The following BCORL1 variants were observed in gnomAD, a reference collection of about 807,000 sequenced individuals.
The protein encoded by BCORL1 is BCL-6 corepressor-like protein 1.
Under a neutral mutation model 87.6 loss-of-function variants are expected in BCORL1, and 7 were observed. That is an observed-to-expected ratio of 0.08 (90% CI 0.05 to 0.15). The LOEUF (loss-of-function observed/expected upper bound fraction) is 0.15. BCORL1 is among the 10% of genes least tolerant of loss of function. The pLI, the probability that BCORL1 is intolerant of heterozygous loss-of-function variation, is 1.00. For synonymous variants in BCORL1, 591 were observed against 634.4 expected, an observed-to-expected ratio of 0.93 and a Z score of 1.03; for missense variants, 1,215 against 1,499.7, an observed-to-expected ratio of 0.81 and a Z score of 3.13.
At chrX:130,052,519 A>G (rs779750578) in intron 13 of BCORL1, among the ~76,000 whole-genome samples, 6 of 112,513 alleles carry the variant, frequency 5.3e-5, no homozygotes, top group East Asian at 5.6e-4. Flanking sequence ...TGCATATTAT[A>G]TTGGGGATCA....
chrX:129,999,535 T>G (rs1438403378), intron 1 of BCORL1, among the ~76,000 whole-genome samples: 1 of 109,798 alleles, frequency 9.1e-6, no homozygotes, highest in Non-Finnish European at 1.9e-5. Context: ...CTTGAACTCC[T>G]GAGCTCAAGT....
In BCORL1 at chrX:130,028,646, C is replaced by T. The variant is rs201424802; in HGVS notation, c.4090C>T (p.Arg1364Cys). ...RRKGRADLKA[R>C]KQKTSSSQSL... is the part of the protein sequence containing the mutation. The stretch of plus-strand genomic sequence containing the variant: ...TTTCTTGCCTTCAGATTTAAAGGCC[C>T]GTAAGCAGAAGACTTCCTCCTCCCA... The change falls in exon 8 of 14, where the codon CGT becomes TGT. Residue 1364 changes from arginine to cysteine, a missense_variant. Arg to Cys is a radical substitution (Grantham distance 180). Transcript: ENST00000540052. The T allele has an allele frequency of 4.1e-6, 5 of 1,208,685 alleles. No individual in the cohort carries two copies. The highest frequency in any genetic ancestry group is 1.7e-5 in the African/African-American group (1 of 57,470).
Position 130,015,602 on chromosome X carries a change from A to G in BCORL1, c.2830A>G (p.Ile944Val), listed in dbSNP as rs748680718. Residue 944 changes from isoleucine (I) to valine (V), a missense_variant, in exon 4 of 14, where the codon ATT becomes GTT. Around this residue, in one of 5 missense-constraint regions of BCORL1, gnomAD observed 861 missense variants for 1,010.0 expected, o/e 0.85. Transcript: ENST00000540052. Reference protein sequence around the residue: ...ALSVQPSGGDIRMNQGPEESE... With the variant: ...ALSVQPSGGDVRMNQGPEESE... ...GTCTGTTCAGCCTAGCGGTGGGGAC[A>G]TTCGAATGAATCAGGGGCCTGAGGA... 6 of 1,212,068 alleles carry G rather than the reference A, an allele frequency of 5.0e-6. No homozygotes were observed. Among genetic ancestry groups the G allele is most frequent in the African/African-American group, 1.7e-5 (1 of 57,882 alleles).
chrX:130,004,269 G>A (rs1233682489), intron 1 of BCORL1, among the ~76,000 whole-genome samples: 1 of 88,046 alleles, frequency 1.1e-5, no homozygotes, highest in African/African-American at 4.8e-5. Flanking sequence ...TTTTGAGACA[G>A]AGTCTTGCTC....
intron 7 of BCORL1, among the ~76,000 whole-genome samples, chrX:130,027,465 C>T (rs1428700340): frequency 1.8e-5 from 2 of 112,406 alleles, no homozygotes; most frequent in African/African-American, 6.5e-5. Context: ...ATGGCTTCCA[C>T]ATCTGGATCT....
chrX:130,028,647 G>A lies in BCORL1; in HGVS notation c.4091G>A (p.Arg1364His), dbSNP rs753405048. The A allele has an allele frequency of 3.3e-6, 4 of 1,208,740 alleles. No homozygotes were observed. Among genetic ancestry groups the A allele is most frequent in the South Asian group, 1.8e-5 (1 of 56,830 alleles). ...RRKGRADLKA[R>H]KQKTSSSQSL... The stretch of plus-strand genomic sequence containing the variant: ...TTCTTGCCTTCAGATTTAAAGGCCC[G>A]TAAGCAGAAGACTTCCTCCTCCCAA... The change falls in exon 8 of 14, where the codon CGT becomes CAT. Residue 1364 changes from arginine to histidine, a missense_variant. Transcript: ENST00000540052.
At chrX:129,984,592 C>G (rs1569353732) in intron 1 of BCORL1, among the ~76,000 whole-genome samples, 1 of 111,056 alleles carries the variant, frequency 9.0e-6, no homozygotes, top group Non-Finnish European at 1.9e-5. Context: ...GCCGGGGTCC[C>G]GCCGAGAGGA....
rs1450399934 is a variant in BCORL1, at chrX:130,055,837, C to T, written c.5076-17C>T. On this transcript the variant is annotated splice_polypyrimidine_tract_variant and intron_variant, in intron 13 of 13. Transcript: ENST00000540052. Reference sequence around the variant, plus strand: ...TCCTCCAGCCTCCTTCAATAACTCCCATCCTTGCCTTTGCAGGCCCTGCAA... The same window carrying T: ...TCCTCCAGCCTCCTTCAATAACTCCTATCCTTGCCTTTGCAGGCCCTGCAA... 6 of 1,191,138 alleles carry T rather than the reference C, an allele frequency of 5.0e-6. No homozygotes were observed. Among genetic ancestry groups the T allele is most frequent in the African/African-American group, 1.7e-5 (1 of 57,671 alleles).
chrX:130,016,908 C>G (rs758619829), intron 4 of BCORL1, among the ~76,000 whole-genome samples: 1 of 111,183 alleles, frequency 9.0e-6, no homozygotes, highest in African/African-American at 3.3e-5. Context: ...CCTGGTCCCC[C>G]AGAAGGGACC....
At chrX:130,030,968 G>C (rs1930559021) in intron 8 of BCORL1, among the ~76,000 whole-genome samples, 1 of 112,662 alleles carries the variant, frequency 8.9e-6, no homozygotes, top group African/African-American at 3.2e-5. Context: ...GGGTGGGGGA[G>C]GGCGGGGAAC....
chrX:130,005,465 G>A, intron 2 of BCORL1, 148 bp downstream of exon 2: 1 of 524,228 alleles, frequency 1.9e-6, no homozygotes, highest in Non-Finnish European at 3.1e-6. Context: ...GGTGGGATGG[G>A]GATGGGGCTG....
At chrX:130,024,918 G>A in intron 6 of BCORL1, 72 bp from the exon 7 acceptor site, 2 of 1,154,505 alleles carry the variant, frequency 1.7e-6, no homozygotes, top group South Asian at 2.0e-5. Context: ...CCTAGTCCAG[G>A]GCATTCACTT....
chrX:129,992,606 C>G (rs893164052), intron 1 of BCORL1, among the ~76,000 whole-genome samples: 3 of 112,128 alleles, frequency 2.7e-5, no homozygotes, highest in Non-Finnish European at 5.6e-5. Flanking sequence ...ATGGTCTCTC[C>G]AAATATTTGT....
rs772112168 is a variant in BCORL1 at position 130,013,504 on chromosome X, G to A, written c.732G>A (p.Ser244=). ...SGLVPVQVAT[S]VPAPSPPLAP... The stretch of plus-strand genomic sequence containing the variant: ...TTGTTCCAGTCCAAGTTGCCACTTC[G>A]GTTCCAGCTCCTTCCCCTCCCTTAG... Residue 244 remains serine, a synonymous_variant, in exon 4 of 14, where the codon TCG becomes TCA. Transcript: ENST00000540052. 7.4e-6 allele frequency: 9 copies of A among 1,208,136 alleles called. No homozygotes were observed. In the East Asian group the frequency reaches 8.9e-5, roughly 12 times the overall value.
intron 8 of BCORL1, among the ~76,000 whole-genome samples, chrX:130,030,832 TCTC>T (rs1930551120): frequency 8.9e-6 from 1 of 112,119 alleles, no homozygotes; most frequent in Non-Finnish European, 1.9e-5. Context: ...GCTGCAGTGT[TCTC>T]CTGGAGAGGT....
chrX:130,054,534 GGT>G (rs970118836), intron 13 of BCORL1, among the ~76,000 whole-genome samples: 11 of 109,737 alleles, frequency 1.0e-4, no homozygotes, highest in South Asian at 3.9e-4. Flanking sequence ...TACAATGTGG[GGT>G]GTGTGTGTGT....
rs1392260745 is a variant in BCORL1 at position 130,012,623 on chromosome X, G to A, written c.132G>A (p.Gln44=). The A allele has an allele frequency of 8.3e-7, 1 of 1,210,333 alleles. No individual in the cohort carries two copies. The highest frequency in any genetic ancestry group is 1.1e-6 in the Non-Finnish European group (1 of 895,254). ...SDEESTTGDC[Q]HFGSQEFCVS... Reference sequence around the variant, plus strand: ...AGGAGTCAACGACAGGCGACTGCCAGCACTTTGGATCTCAGGAGTTTTGTG... The same window carrying A: ...AGGAGTCAACGACAGGCGACTGCCAACACTTTGGATCTCAGGAGTTTTGTG... Residue 44 remains glutamine (Q), a synonymous_variant, in exon 3 of 14, where the codon CAG becomes CAA. Transcript: ENST00000540052.
intron 8 of BCORL1, among the ~76,000 whole-genome samples, chrX:130,032,224 T>G (rs1930653798): frequency 8.9e-6 from 1 of 111,989 alleles, no homozygotes; most frequent in Non-Finnish European, 1.9e-5. Flanking sequence ...TTGGGGTCTC[T>G]CGTGAGGTTG....
intron 7 of BCORL1, among the ~76,000 whole-genome samples, chrX:130,026,898 G>A (rs1930278324): frequency 8.8e-6 from 1 of 113,469 alleles, no homozygotes; most frequent in Non-Finnish European, 1.9e-5. Context: ...TCTGATGATG[G>A]CATCTTCGTG....
Sources: allele counts gnomAD v4.1 joint callset (sites outside exome capture counted in the v4.1 genomes callset), GRCh38; gene constraint gnomAD v4.1.1; regional missense constraint gnomAD v4.1.1; transcripts MANE v1.5; gene names NCBI Gene and HGNC (gene_info 2026-07-23, HGNC 2026-07-21).